The following GRK3 variants were observed in gnomAD, a reference collection of about 807,000 sequenced individuals.
The protein encoded by GRK3 is G protein-coupled receptor kinase 3, also known as adrenergic, beta, receptor kinase 2.
In GRK3, 54 loss-of-function variants were observed where a neutral mutation model predicts 95.7. That is an observed-to-expected ratio of 0.56 (90% CI 0.45 to 0.71). GRK3 has a LOEUF of 0.71. GRK3 is among the 30% of genes least tolerant of loss of function. The probability of loss-of-function intolerance (pLI) is 0.00; values close to 1 mark genes in which losing one functional copy is unlikely to be tolerated. For synonymous variants in GRK3, 281 were observed against 290.8 expected (o/e 0.97, Z 0.34); for missense variants, 649 against 851.2 (o/e 0.76, Z 2.96).
intron 16 of GRK3, among the ~76,000 whole-genome samples, chr22:25,710,305 C>T (rs1568938683): frequency 6.6e-6 from 1 of 152,088 alleles, no homozygotes; most frequent in African/African-American, 2.4e-5. Context: ...TTAGTTTTTG[C>T]TCTTCTTCTT....
chr22:25,606,652 C>T (rs539558701), intron 2 of GRK3, among the ~76,000 whole-genome samples: 2 of 152,268 alleles, frequency 1.3e-5, no homozygotes, highest in Admixed American at 1.3e-4. Flanking sequence ...CTCTGTCTGC[C>T]TACCCATCTG....
At position 25,624,811 on chromosome 22, in the gene GRK3, T is replaced by TTTTTTGG. The variant is rs548229719; in HGVS notation, c.191-19778_191-19772dup. Among the ~76,000 whole-genome samples, 290 of 152,346 alleles carry TTTTTTGG rather than the reference T, an allele frequency of 1.9e-3. 1 individual carries two copies. Among genetic ancestry groups the TTTTTTGG allele is most frequent in the African/African-American group, 6.8e-3 (284 of 41,574 alleles). ...TACACATCTGAGGAATTGACTCTTC[T>TTTTTTGG]TTTTTGGTTAACTTTCTGTTTCCGC... On this transcript the variant is annotated intron_variant, in intron 2 of 20. Coordinates refer to ENST00000324198, the MANE Select transcript of GRK3 (RefSeq NM_005160.4).
chr22:25,699,694 C>CTTTTTTTTTTT (rs1157678995), intron 13 of GRK3, among the ~76,000 whole-genome samples: 3 of 139,176 alleles, frequency 2.2e-5, no homozygotes, highest in Non-Finnish European at 4.8e-5. Context: ...CTTTTCTTTT[C>CTTTTTTTTTTT]TTTTCTTTTT....
At chr22:25,622,636 C>T (rs1433020139) in intron 2 of GRK3, among the ~76,000 whole-genome samples, 1 of 152,008 alleles carries the variant, frequency 6.6e-6, no homozygotes, top group African/African-American at 2.4e-5. Context: ...TGACCAGGCC[C>T]GATGTATGTT....
intron 1 of GRK3, among the ~76,000 whole-genome samples, chr22:25,601,659 C>T (rs374900230): frequency 1.1e-4 from 17 of 152,072 alleles, no homozygotes; most frequent in African/African-American, 3.9e-4. Flanking sequence ...ACAGGATGGT[C>T]CAGAGATAGA....
chr22:25,717,112 T>A (rs1242757286), intron 18 of GRK3, among the ~76,000 whole-genome samples: 1 of 152,184 alleles, frequency 6.6e-6, no homozygotes, highest in Admixed American at 6.5e-5. Flanking sequence ...TTATGTAGCA[T>A]TTACACTGTA....
At chr22:25,659,429 G>T (rs2084895653) in intron 3 of GRK3, among the ~76,000 whole-genome samples, 1 of 152,158 alleles carries the variant, frequency 6.6e-6, no homozygotes, top group Non-Finnish European at 1.5e-5. Flanking sequence ...TTGCTCTTAG[G>T]GCTCAGGTTA....
chr22:25,677,111 A>G (rs896856553), intron 8 of GRK3, among the ~76,000 whole-genome samples: 2 of 152,220 alleles, frequency 1.3e-5, no homozygotes, highest in Admixed American at 6.5e-5. Context: ...CTGTAATCCC[A>G]TCTACTCAGG....
intron 1 of GRK3, among the ~76,000 whole-genome samples, chr22:25,585,942 C>T (rs1249496642): frequency 1.3e-5 from 2 of 152,288 alleles, no homozygotes; most frequent in African/African-American, 2.4e-5. Context: ...AGAAACCATT[C>T]TTGAAGGGTT....
chr22:25,595,124 C>T (rs146888060), intron 1 of GRK3, among the ~76,000 whole-genome samples: 1 of 152,296 alleles, frequency 6.6e-6, no homozygotes, highest in Non-Finnish European at 1.5e-5. Flanking sequence ...CAAGGATTCT[C>T]ATTCTTGCCA....
intron 2 of GRK3, among the ~76,000 whole-genome samples, chr22:25,626,691 T>G (rs1056786350): frequency 1.3e-5 from 2 of 152,234 alleles, no homozygotes; most frequent in Non-Finnish European, 2.9e-5. Flanking sequence ...CTCTAGCAAG[T>G]AGTCATTTTA....
intron 9 of GRK3, among the ~76,000 whole-genome samples, chr22:25,680,964 TA>T (rs1018697102): frequency 2.0e-5 from 3 of 151,772 alleles, no homozygotes; most frequent in Non-Finnish European, 4.4e-5. Context: ...TTTTTTTTTT[TA>T]ATCTCAACTT....
chr22:25,685,243 T>G lies in GRK3; in HGVS notation c.821T>G (p.Met274Arg). Residue 274 changes from methionine (M) to arginine (R), a missense_variant, in exon 10 of 21, where the codon ATG becomes AGG. By Grantham distance (91) the Met-to-Arg change is moderately conservative (BLOSUM62 -1). Coordinates refer to ENST00000324198, the MANE Select transcript of GRK3 (RefSeq NM_005160.4). ...PDKLCFILDL[M>R]NGGDLHYHLS... ...AAACTCTGCTTCATCCTGGATCTGA[T>G]GAACGGTAAGCAAAACTTGGAAAAT... The G allele has an allele frequency of 6.2e-7, 1 of 1,612,090 alleles. No individual in the cohort carries two copies. Among genetic ancestry groups the G allele is most frequent in the South Asian group, 1.1e-5 (1 of 91,042 alleles).
intron 1 of GRK3, among the ~76,000 whole-genome samples, chr22:25,588,971 A>G (rs1488035968): frequency 6.6e-6 from 1 of 151,948 alleles, no homozygotes; most frequent in African/African-American, 2.4e-5. Flanking sequence ...GGTTCTCGCT[A>G]TGTTGCCCAG....
At chr22:25,610,086 T>C (rs966868231) in intron 2 of GRK3, among the ~76,000 whole-genome samples, 44 of 151,942 alleles carry the variant, frequency 2.9e-4, no homozygotes, top group Admixed American at 3.3e-4. Context: ...CTCTTGACCT[T>C]GTGATCCACC....
intron 2 of GRK3, among the ~76,000 whole-genome samples, chr22:25,635,675 G>C (rs985032030): frequency 6.6e-6 from 1 of 152,138 alleles, no homozygotes; most frequent in Non-Finnish European, 1.5e-5. Context: ...ATAATGTTAC[G>C]TTGTCCCAAG....
At chr22:25,651,274 G>A (rs1224980354) in intron 3 of GRK3, among the ~76,000 whole-genome samples, 1 of 152,084 alleles carries the variant, frequency 6.6e-6, no homozygotes, top group Non-Finnish European at 1.5e-5. Flanking sequence ...CTCTCTTACA[G>A]TCACACCTTA....
intron 15 of GRK3, among the ~76,000 whole-genome samples, chr22:25,705,680 GA>G (rs1223228516): frequency 6.6e-6 from 1 of 152,008 alleles, no homozygotes; most frequent in Non-Finnish European, 1.5e-5. Flanking sequence ...TTTCTTTCGG[GA>G]AGGACTCAGC....
chr22:25,644,631 A>T lies in GRK3; in HGVS notation c.230A>T (p.Asn77Ile). ...AAAGATTTTTGTTTGAATGAAATTA[A>T]TGAAGCTGTACCTCAGGTGAAGTTT... ...LFKDFCLNEI[N>I]EAVPQVKFYE... Residue 77 changes from asparagine (N) to isoleucine (I), a missense_variant, in exon 3 of 21, where the codon AAT becomes ATT. Around this residue, in one of 3 missense-constraint regions of GRK3, gnomAD observed 206 missense variants for 231.4 expected, o/e 0.89. Transcript: ENST00000324198. The T allele has an allele frequency of 6.3e-7, 1 of 1,578,376 alleles. No individual in the cohort carries two copies. Among genetic ancestry groups the T allele is most frequent in the African/African-American group, 1.4e-5 (1 of 74,048 alleles).
Sources: allele counts gnomAD v4.1 joint callset (sites outside exome capture counted in the v4.1 genomes callset), GRCh38; gene constraint gnomAD v4.1.1; regional missense constraint gnomAD v4.1.1; transcripts MANE v1.5; gene names NCBI Gene and HGNC (gene_info 2026-07-23, HGNC 2026-07-21).